ORC3: variants seen among roughly 807,000 people sequenced by gnomAD.
The protein encoded by ORC3 is homolog of latheo, Drosophila.
Under a neutral mutation model 100.7 loss-of-function variants are expected in ORC3, and 78 were observed. The ratio of observed to expected loss-of-function variants is 0.77; its 90% CI spans 0.65 to 0.94. The LOEUF is 0.94. ORC3 is among the 40% of genes least tolerant of loss of function. ORC3 has a pLI of 0.00. For synonymous variants in ORC3, 295 were observed against 289.3 expected (o/e 1.02, Z -0.20); for missense variants, 789 against 823.9 (o/e 0.96, Z 0.52).
At chr6:87,628,684 T>C (rs903589735) in intron 11 of ORC3, among the ~76,000 whole-genome samples, 1 of 152,182 alleles carries the variant, frequency 6.6e-6, no homozygotes, top group Non-Finnish European at 1.5e-5. Flanking sequence ...AAGTTCATGG[T>C]AGAGTAAGGA....
chr6:87,595,160 G>C (rs1287112030), intron 2 of ORC3: 2 of 152,200 alleles, frequency 1.3e-5, no homozygotes, highest in Non-Finnish European at 1.5e-5. Flanking sequence ...CAAGGTCTTG[G>C]ATCTCTTACA....
intron 14 of ORC3, among the ~76,000 whole-genome samples, chr6:87,655,369 T>TC (rs1769597278): frequency 6.6e-6 from 1 of 151,408 alleles, no homozygotes; most frequent in Non-Finnish European, 1.5e-5. Context: ...TTTTTTTTTT[T>TC]TGGAGACAGA....
rs1245851312 is a variant in ORC3, at chr6:87,666,472, A to C, written c.2031-546A>C. 4.9e-5 allele frequency among the ~76,000 whole-genome samples: 4 copies of C among 81,786 alleles called. No individual in the cohort carries two copies. The South Asian group carries it at 1.0e-3, about 21-fold the overall frequency. The allele number at this position is 81,786 out of a possible 152,430, so 53.7% of individuals were successfully genotyped here. A position where few individuals can be genotyped will look rare whatever the true frequency, so the allele number is the denominator to read the frequency against. On this transcript the variant is annotated intron_variant, in intron 19 of 19. Transcript: ENST00000392844. ...TTTTTTTTTGAGACAGAGTTTTGCT[A>C]TTGTTGCCCAAGCTGGAGTGCAGTG... is the stretch of plus-strand genomic sequence containing the variant.
At chr6:87,597,732 A>T (rs34926624) in intron 2 of ORC3, among the ~76,000 whole-genome samples, 5,305 of 151,264 alleles carry the variant, frequency 0.035, 109 homozygotes, top group Middle Eastern at 0.055. Context: ...ATTTTTTTTT[A>T]AAATAGAGAT....
chr6:87,666,435 C>CTTTTT (rs398002192), intron 19 of ORC3, among the ~76,000 whole-genome samples: 6 of 97,644 alleles, frequency 6.1e-5, no homozygotes, highest in Admixed American at 1.1e-4. Context: ...CGGCCTAATT[C>CTTTTT]TTTTTTTTTT....
At chr6:87,664,139 G>A (rs372823261) in intron 17 of ORC3, among the ~76,000 whole-genome samples, 6 of 152,132 alleles carry the variant, frequency 3.9e-5, no homozygotes, top group African/African-American at 1.4e-4. Context: ...GATTTCAGTT[G>A]TCTTTGGGTG....
Position 87,656,990 on chromosome 6 carries a change from C to T in ORC3, c.1593+8C>T, listed in dbSNP as rs2307373. 0.39 allele frequency: 613,327 copies of T among 1,568,532 alleles called. 124,188 individuals carry two copies. Among genetic ancestry groups the T allele is most frequent in the East Asian group, 0.51 (22,502 of 44,496 alleles). On this transcript the variant is annotated splice_region_variant and intron_variant, in intron 15 of 19. Transcript: ENST00000392844. ...CTCTATCATCTTCAGAAGGTCAGGT[C>T]ACTCTCTTCCCTTCCAGCTGCATCC... is the stretch of plus-strand genomic sequence containing the variant.
At chr6:87,642,339 C>T (rs900912789) in intron 13 of ORC3, among the ~76,000 whole-genome samples, 1 of 152,052 alleles carries the variant, frequency 6.6e-6, no homozygotes, top group Non-Finnish European at 1.5e-5. Context: ...GCCTGTAATT[C>T]AAGTACTTTG....
chr6:87,621,936 G>A lies in ORC3; in HGVS notation c.1122-14G>A, dbSNP rs1409544089. The A allele has an allele frequency of 6.3e-7, 1 of 1,577,854 alleles. No individual in the cohort carries two copies. On this transcript the variant is annotated splice_polypyrimidine_tract_variant and intron_variant, in intron 10 of 19. Transcript: ENST00000392844. ...AATTTTCTCTTTTTATGTATGGAAT[G>A]GTGAAAATTCTAGGTACGTGGAAAA...
chr6:87,606,168 CAG>C, intron 5 of ORC3, 147 bp downstream of exon 5: 1 of 547,364 alleles, frequency 1.8e-6, no homozygotes, highest in Non-Finnish European at 3.3e-6. Context: ...TGGGGGCTCT[CAG>C]AGTAATTGTG....
At chr6:87,621,264 T>TA (rs978241094) in intron 9 of ORC3, 90 bp from the exon 10 acceptor site, 34 of 983,916 alleles carry the variant, frequency 3.5e-5, no homozygotes, top group Middle Eastern at 3.6e-4. Context: ...TTTGGCTCTT[T>TA]AAAAAAATCC....
chr6:87,661,073 C>T (rs956610193), intron 16 of ORC3, among the ~76,000 whole-genome samples: 1 of 151,416 alleles, frequency 6.6e-6, no homozygotes, highest in Non-Finnish European at 1.5e-5. Flanking sequence ...AAATGTGAGG[C>T]GATAGTTTGA....
intron 6 of ORC3, 139 bp downstream of exon 6, chr6:87,607,963 A>C: frequency 2.0e-6 from 1 of 507,902 alleles, no homozygotes; most frequent in South Asian, 5.1e-5. Flanking sequence ...GTAGGTATTT[A>C]TTTTTTCTAA....
chr6:87,609,275 G>T (rs779047894), intron 7 of ORC3, 46 bp downstream of exon 7: 2 of 1,359,512 alleles, frequency 1.5e-6, no homozygotes, highest in South Asian at 1.5e-5. Context: ...CCCTTTTTAA[G>T]AAAATACTAC....
At chr6:87,595,065 T>C (rs1488265421) in intron 2 of ORC3, 1 of 152,216 alleles carries the variant, frequency 6.6e-6, no homozygotes, top group Non-Finnish European at 1.5e-5. Context: ...ACTTAGGGCT[T>C]AGTAACTACA....
At chr6:87,643,277 C>A (rs937349776) in intron 13 of ORC3, among the ~76,000 whole-genome samples, 2 of 152,120 alleles carry the variant, frequency 1.3e-5, no homozygotes, top group African/African-American at 2.4e-5. Flanking sequence ...TCAGCTCTTT[C>A]CCCAGAGCTT....
chr6:87,621,225 A>C, intron 9 of ORC3, 129 bp from the exon 10 acceptor site: 6 of 538,278 alleles, frequency 1.1e-5, no homozygotes, highest in Non-Finnish European at 1.8e-5. Flanking sequence ...TTATTGTGAC[A>C]TTATTAAATA....
chr6:87,593,120 A>C (rs902547992), intron 1 of ORC3, among the ~76,000 whole-genome samples: 1 of 152,088 alleles, frequency 6.6e-6, no homozygotes, highest in Non-Finnish European at 1.5e-5. Flanking sequence ...AACAAAAAAA[A>C]ACTATAAGCT....
intron 11 of ORC3, among the ~76,000 whole-genome samples, chr6:87,626,233 G>A (rs1276692824): frequency 6.6e-6 from 1 of 152,168 alleles, no homozygotes; most frequent in East Asian, 1.9e-4. Context: ...AAAGTCATTG[G>A]TAGCTTGATG....
Sources: allele counts gnomAD v4.1 joint callset (sites outside exome capture counted in the v4.1 genomes callset), GRCh38; gene constraint gnomAD v4.1.1; transcripts MANE v1.5; gene names NCBI Gene and HGNC (gene_info 2026-07-23, HGNC 2026-07-21).